AVL9: variants seen among roughly 807,000 people sequenced by gnomAD.
AVL9 encodes AVL9 cell migration associated, also known as late secretory pathway protein AVL9 homolog.
AVL9 carries 49 observed loss-of-function variants against 79.2 expected under a neutral mutation model. The ratio of observed to expected loss-of-function variants is 0.62; its 90% confidence interval spans 0.49 to 0.79. AVL9 has a LOEUF of 0.79. Among genes scored for constraint, AVL9 ranks in the 30% least tolerant of loss-of-function variants. The pLI is 0.00. For missense variants in AVL9, 682 were observed against 776.8 expected (o/e 0.88, Z 1.45); for synonymous variants, 299 against 280.6 (o/e 1.07, Z -0.65).
At chr7:32,515,359 A>G (rs1787862532) in intron 1 of AVL9, among the ~76,000 whole-genome samples, 1 of 152,204 alleles carries the variant, frequency 6.6e-6, no homozygotes, top group Admixed American at 6.5e-5. Context: ...AGCTGTCTTT[A>G]TGGTCGAAAC....
At chr7:32,499,175 C>T (rs1787006489) in intron 1 of AVL9, among the ~76,000 whole-genome samples, 1 of 151,742 alleles carries the variant, frequency 6.6e-6, no homozygotes, top group Admixed American at 6.6e-5. Context: ...CGAAACAAAA[C>T]AAAAATTTAT....
intron 8 of AVL9, among the ~76,000 whole-genome samples, chr7:32,557,539 T>C (rs185416391): frequency 1.3e-5 from 2 of 152,360 alleles, no homozygotes; most frequent in East Asian, 3.9e-4. Flanking sequence ...GTTTGTTTTG[T>C]TGTGGCTAGT....
In AVL9 at chr7:32,542,876, A is replaced by G. The variant is rs548743308; in HGVS notation, c.94-265A>G. ...CCCCCAGATATCAATCTGCAGTTCA[A>G]TCACCAACCCCACTACCATTATGCA... On this transcript the variant is annotated intron_variant, in intron 1 of 15. Coordinates refer to ENST00000318709, the MANE Select transcript of AVL9 (RefSeq NM_015060.3). 3.3e-5 allele frequency among the ~76,000 whole-genome samples: 5 copies of G among 152,284 alleles called. No individual in the cohort carries two copies. The South Asian group carries it at 8.3e-4, about 25-fold the overall frequency.
chr7:32,570,137 AG>A lies in AVL9; in HGVS notation c.1334del (p.Ser445MetfsTer7). ...NILFRQQKHL[S>X]DAIVEVEEAL... ...CCTTTTTCGACAACAGAAACACCTC[AG>A]TGATGCCATTGTGGAAGTACGTTTA... On this transcript the variant is annotated frameshift_variant, in exon 11 of 16. Coordinates refer to ENST00000318709, the MANE Select transcript of AVL9 (RefSeq NM_015060.3). LOFTEE classifies it high-confidence loss of function. The A allele has an allele frequency of 6.2e-7, 1 of 1,614,194 alleles. No homozygotes were observed. Among genetic ancestry groups the A allele is most frequent in the Non-Finnish European group, 8.5e-7 (1 of 1,180,016 alleles).
In AVL9 at chr7:32,559,389, G is replaced by A. The variant is rs1171939289; in HGVS notation, c.1140G>A (p.Gln380=). 1 of 1,612,928 alleles carries A rather than the reference G, an allele frequency of 6.2e-7. No individual in the cohort carries two copies. The highest frequency in any genetic ancestry group is 2.2e-5 in the East Asian group (1 of 44,884). ...ITVQPQANTG[Q]VVLIPGLISG... is the part of the protein sequence containing the mutation. ...TACAACCTCAAGCTAATACGGGACA[G>A]GTAGTCCTGATACCAGGGCTCATTT... The change falls in exon 10 of 16, where the codon CAG becomes CAA. Residue 380 remains glutamine (Q), a synonymous_variant. Coordinates refer to ENST00000318709, the MANE Select transcript of AVL9 (RefSeq NM_015060.3).
rs377071081 is a variant in AVL9 at position 32,548,927 on chromosome 7, C to G, written c.372+9C>G. 3 of 1,540,508 alleles carry G rather than the reference C, an allele frequency of 1.9e-6. No individual in the cohort carries two copies. In the African/African-American group the frequency reaches 4.2e-5, roughly 21 times the overall value. ...GTGTTCTAAGCAAGCTGGTAAGAGA[C>G]GAAGTAACTTGTTCATTATGTTAAA... On this transcript the variant is annotated intron_variant, in intron 4 of 15. Coordinates refer to ENST00000318709, the MANE Select transcript of AVL9 (RefSeq NM_015060.3).
intron 1 of AVL9, among the ~76,000 whole-genome samples, chr7:32,501,922 C>T (rs1787144782): frequency 6.6e-6 from 1 of 152,142 alleles, no homozygotes; most frequent in Non-Finnish European, 1.5e-5. Context: ...TACTTACCTA[C>T]TTAATTTTAA....
chr7:32,548,502 G>A (rs912355390), intron 3 of AVL9, among the ~76,000 whole-genome samples: 3 of 152,158 alleles, frequency 2.0e-5, no homozygotes, highest in South Asian at 2.1e-4. Context: ...TCTCTGAAAG[G>A]ACTGTCCATT....
chr7:32,507,542 A>G (rs2392069), intron 1 of AVL9, among the ~76,000 whole-genome samples: 53,320 of 152,038 alleles, frequency 0.35, 9,690 homozygotes, highest in East Asian at 0.48. Flanking sequence ...GTTCAGCATT[A>G]TGCTTGTGGA....
intron 11 of AVL9, among the ~76,000 whole-genome samples, chr7:32,571,921 T>C (rs1489142264): frequency 6.6e-6 from 1 of 152,184 alleles, no homozygotes; most frequent in African/African-American, 2.4e-5. Context: ...CCCAGCACTT[T>C]GGGAGGCCAA....
chr7:32,563,310 G>A (rs1450638143), intron 10 of AVL9, among the ~76,000 whole-genome samples: 1 of 152,004 alleles, frequency 6.6e-6, no homozygotes, highest in Admixed American at 6.6e-5. Context: ...GGGATTACAG[G>A]CATGAGCCAC....
At chr7:32,562,815 G>T (rs7777749) in intron 10 of AVL9, 4,523 of 156,942 alleles carry the variant, frequency 0.029, 214 homozygotes, top group African/African-American at 0.1. Context: ...ACCGCTACTT[G>T]GGAGGCTGAG....
At chr7:32,564,715 C>T (rs1790479282) in intron 10 of AVL9, among the ~76,000 whole-genome samples, 1 of 152,104 alleles carries the variant, frequency 6.6e-6, no homozygotes, top group South Asian at 2.1e-4. Context: ...TCTAAAATAT[C>T]CTTCTCAGGA....
rs554026654 is a variant in AVL9 at position 32,588,628 on chromosome 7, G to A, written c.*4721G>A. The A allele has an allele frequency of 7.2e-5, 11 of 152,118 alleles. No individual in the cohort carries two copies. The highest frequency in any genetic ancestry group is 2.2e-4 in the African/African-American group (9 of 41,486). 9.4% of individuals were successfully genotyped at this position (152,118 alleles called of 1,614,324 possible). On this transcript the variant is annotated 3_prime_UTR_variant, in exon 16 of 16. Coordinates refer to ENST00000318709, the MANE Select transcript of AVL9 (RefSeq NM_015060.3). ...TTAAATTGTTAAAATTATAAATCAC[G>A]TCTAATCATACTGAATTGTAAAACT... is the stretch of plus-strand genomic sequence containing the variant.
In AVL9 at chr7:32,495,509, A is replaced by G. The variant is rs1786750071; in HGVS notation, c.-201A>G. Reference sequence around the variant, plus strand: ...CCGCCGTGTCAGGTGACAGCCCGGAAGCTGCGGAAGCGGATGAGGGAAGGG... The same window carrying G: ...CCGCCGTGTCAGGTGACAGCCCGGAGGCTGCGGAAGCGGATGAGGGAAGGG... On this transcript the variant is annotated 5_prime_UTR_variant, in exon 1 of 16. Transcript: ENST00000318709. The G allele has an allele frequency of 5.2e-6, 2 of 386,702 alleles. No individual in the cohort carries two copies. Among genetic ancestry groups the G allele is most frequent in the East Asian group, 7.4e-5 (2 of 27,094 alleles). 24.0% of individuals were successfully genotyped at this position (386,702 alleles called of 1,614,324 possible). A position where few individuals can be genotyped will look rare whatever the true frequency, so the allele number is the denominator to read the frequency against.
intron 1 of AVL9, chr7:32,537,640 A>T (rs1562773061): frequency 6.6e-6 from 1 of 151,794 alleles, no homozygotes; most frequent in African/African-American, 2.4e-5. Context: ...TATTTTTTGT[A>T]TTGTCAGTAG....
At chr7:32,499,299 C>T (rs1419696458) in intron 1 of AVL9, among the ~76,000 whole-genome samples, 3 of 151,486 alleles carry the variant, frequency 2.0e-5, no homozygotes, top group East Asian at 1.9e-4. Context: ...ATAAATTATA[C>T]TTGTCGGACT....
chr7:32,512,734 A>G (rs1787735314), intron 1 of AVL9, among the ~76,000 whole-genome samples: 1 of 152,354 alleles, frequency 6.6e-6, no homozygotes, highest in Admixed American at 6.5e-5. Context: ...GAAAGCAGTA[A>G]CAGAAATCTT....
intron 15 of AVL9, chr7:32,581,715 C>G (rs980389682): frequency 6.6e-6 from 1 of 152,196 alleles, no homozygotes; most frequent in Non-Finnish European, 1.5e-5. Context: ...TGCCTGCAGT[C>G]CCAGCTACTT....
Sources: gnomAD v4.1 joint callset for allele counts (sites outside exome capture counted in the v4.1 genomes callset) on GRCh38, gnomAD v4.1.1 for gene constraint, MANE v1.5 for transcripts, NCBI Gene and HGNC (gene_info 2026-07-23, HGNC 2026-07-21) for gene names.